TFR2: variants seen among roughly 807,000 people sequenced by gnomAD.
The protein encoded by TFR2 is transferrin receptor 2.
In TFR2, 64 loss-of-function variants were observed where a neutral mutation model predicts 91.9. The observed-to-expected ratio is 0.70, with a 90% CI of 0.57 to 0.86. The LOEUF (loss-of-function observed/expected upper bound fraction) is 0.86, where lower values mean the gene tolerates loss of function less well. Ranked by LOEUF, TFR2 falls within the 40% of genes least tolerant of loss-of-function variation. TFR2 has a pLI of 0.00. For synonymous variants in TFR2, 454 were observed against 459.6 expected, an observed-to-expected ratio of 0.99 and a Z score of 0.15; for missense variants, 950 against 1,080.5, an observed-to-expected ratio of 0.88 and a Z score of 1.69.
intron 17 of TFR2, 110 bp from the exon 18 acceptor site, chr7:100,621,236 C>G (rs1035477891): frequency 2.3e-6 from 3 of 1,323,220 alleles, no homozygotes; most frequent in African/African-American, 1.5e-5. Flanking sequence ...TGTTTGTTTT[C>G]TTTTTGTGTT....
Position 100,632,125 on chromosome 7 carries a change from G to A in TFR2, c.923C>T (p.Pro308Leu). Reference protein sequence around the residue: ...YPEPADFSQDPPKPSLSSQQA... With the variant: ...YPEPADFSQDLPKPSLSSQQA... ...CTGGCTGGACAGGCTTGGCTTGGGT[G>A]GGTCCTGGGAGAAGTCCGCTGGCTC... The change falls in exon 7 of 18, where the codon CCA (proline) becomes CTA (leucine). Residue 308 changes from proline (P) to leucine (L), a missense_variant. By Grantham distance (98) the Pro-to-Leu change is moderately conservative. Coordinates refer to ENST00000223051, the MANE Select transcript of TFR2 (RefSeq NM_003227.4). The A allele has an allele frequency of 6.2e-7, 1 of 1,614,168 alleles. No individual in the cohort carries two copies. Among genetic ancestry groups the A allele is most frequent in the Non-Finnish European group, 8.5e-7 (1 of 1,180,022 alleles).
Position 100,633,350 on chromosome 7 carries a change from G to T in TFR2, c.615-10C>A. The T allele has an allele frequency of 1.9e-6, 3 of 1,610,890 alleles. No homozygotes were observed. Among genetic ancestry groups the T allele is most frequent in the Non-Finnish European group, 2.5e-6 (3 of 1,178,400 alleles). Reference sequence around the variant, plus strand: ...GGTGTTGGGGTGAGCCCTGGGGAGCGGGGCTGGTGAGCGCCCCGAGCCGCG... The same window carrying T: ...GGTGTTGGGGTGAGCCCTGGGGAGCTGGGCTGGTGAGCGCCCCGAGCCGCG... On this transcript the variant is annotated splice_polypyrimidine_tract_variant and intron_variant, in intron 4 of 17. Coordinates refer to ENST00000223051, the MANE Select transcript of TFR2 (RefSeq NM_003227.4).
chr7:100,623,787 C>T (rs1026479327), intron 17 of TFR2, among the ~76,000 whole-genome samples: 1 of 149,702 alleles, frequency 6.7e-6, no homozygotes, highest in African/African-American at 2.5e-5. Context: ...CAGTAGCTCA[C>T]GCCTGTAATC....
chr7:100,621,965 A>G (rs1803124497), intron 17 of TFR2, among the ~76,000 whole-genome samples: 1 of 152,016 alleles, frequency 6.6e-6, no homozygotes, highest in South Asian at 2.1e-4. Context: ...TGTACCTATT[A>G]AATTATCATT....
chr7:100,626,965 G>GCC, intron 16 of TFR2, 62 bp from the exon 17 acceptor site: 1 of 1,505,614 alleles, frequency 6.6e-7, no homozygotes, highest in Non-Finnish European at 8.9e-7. Context: ...CCTAGCATGG[G>GCC]GACAAGGACC....
At chr7:100,633,905 AC>A (rs898263185) in intron 3 of TFR2, among the ~76,000 whole-genome samples, 1 of 151,202 alleles carries the variant, frequency 6.6e-6, no homozygotes, top group Non-Finnish European at 1.5e-5. Context: ...GACGGGTTTC[AC>A]CATGTTGACC....
chr7:100,620,776 A>G lies in TFR2; in HGVS notation c.*81T>C. On this transcript the variant is annotated 3_prime_UTR_variant, in exon 18 of 18. Coordinates refer to ENST00000223051, the MANE Select transcript of TFR2 (RefSeq NM_003227.4). Reference sequence around the variant, plus strand: ...AGCAATGAGAGGTGGACTCTGAGCCACCTCCCTGACCCTGAATCATTCAAG... The same window carrying G: ...AGCAATGAGAGGTGGACTCTGAGCCGCCTCCCTGACCCTGAATCATTCAAG... 1 of 1,588,806 alleles carries G rather than the reference A, an allele frequency of 6.3e-7. No individual in the cohort carries two copies. Among genetic ancestry groups the G allele is most frequent in the Non-Finnish European group, 8.6e-7 (1 of 1,160,792 alleles).
At chr7:100,627,007 C>T in intron 16 of TFR2, 104 bp from the exon 17 acceptor site, 1 of 1,385,094 alleles carries the variant, frequency 7.2e-7, no homozygotes, top group African/African-American at 2.4e-5. Flanking sequence ...GGCTGGGACC[C>T]CTGGCCGCAG....
At chr7:100,623,839 C>A in intron 17 of TFR2, among the ~76,000 whole-genome samples, 1 of 133,398 alleles carries the variant, frequency 7.5e-6, no homozygotes. Flanking sequence ...CACTTGATGT[C>A]AGGAGTTCAA....
Position 100,629,302 on chromosome 7 carries a change from C to A in TFR2, c.1341G>T (p.Thr447=), listed in dbSNP as rs532187374. ...GPGAAKSAVG[T]AILLELVRTF... ...TCCGCACCAGCTCCAGGAGTATAGC[C>A]GTCCCCACAGCGGATTTAGCTGCTC... The change falls in exon 10 of 18, where the codon ACG becomes ACT. Residue 447 remains threonine (T), a synonymous_variant. Transcript: ENST00000223051. The A allele has an allele frequency of 6.2e-7, 1 of 1,614,000 alleles. No homozygotes were observed. The highest frequency in any genetic ancestry group is 2.2e-5 in the East Asian group (1 of 44,896).
rs764643944 is a variant in TFR2 at position 100,627,656 on chromosome 7, C to A, written c.1688G>T (p.Arg563Leu). 4 of 1,614,020 alleles carry A rather than the reference C, an allele frequency of 2.5e-6. No homozygotes were observed. The Middle Eastern group carries it at 4.9e-4, about 199-fold the overall frequency. ...GGCACTGCTGTCCATGGGTAGGGGC[C>A]GGATCCTGGGGGCAGGTGGGTTGGA... ...TNPSWDAEVI[R>L]PLPMDSSAYS... Residue 563 changes from arginine to leucine, a missense_variant, in exon 15 of 18, where the codon CGG (arginine) becomes CTG (leucine). Arg to Leu is a moderately radical substitution (Grantham distance 102). Transcript: ENST00000223051.
At position 100,631,171 on chromosome 7, in the gene TFR2, C is replaced by T. The variant is rs41303489; in HGVS notation, c.1107-119G>A. 91 of 1,205,908 alleles carry T rather than the reference C, an allele frequency of 7.5e-5. No individual in the cohort carries two copies. In the East Asian group the frequency reaches 7.8e-4, roughly 10 times the overall value. The allele number at this position is 1,205,908 out of a possible 1,614,324, so 74.7% of individuals were successfully genotyped here. ...CTGGCTCCAGATCGCTGCCTCTGGA[C>T]GCTGCCTGGGTAGGGCAGTGCAGTC... On this transcript the variant is annotated intron_variant, in intron 8 of 17. Coordinates refer to ENST00000223051, the MANE Select transcript of TFR2 (RefSeq NM_003227.4).
At chr7:100,626,134 T>A (rs765753604) in intron 17 of TFR2, among the ~76,000 whole-genome samples, 4 of 152,100 alleles carry the variant, frequency 2.6e-5, no homozygotes, top group Non-Finnish European at 5.9e-5. Flanking sequence ...TTTCTTGACA[T>A]CAAAGGGTTG....
intron 11 of TFR2, 30 bp downstream of exon 11, chr7:100,628,194 C>T: frequency 1.2e-6 from 2 of 1,612,912 alleles, no homozygotes; most frequent in Non-Finnish European, 1.7e-6. Context: ...CTCCCCAATG[C>T]CTAACGACCT....
Position 100,628,233 on chromosome 7 carries a change from C to T in TFR2, c.1464G>A (p.Glu488=). 1.2e-6 allele frequency: 2 copies of T among 1,613,822 alleles called. No homozygotes were observed. The highest frequency in any genetic ancestry group is 1.7e-6 in the Non-Finnish European group (2 of 1,179,910). The change falls in exon 11 of 18, where the codon GAG becomes GAA. Residue 488 remains glutamate (E), a synonymous_variant. Transcript: ENST00000223051. ...CGGGACCCCGTATCACCTCTAGCCA[C>T]TCCGTGGAGCCCACGCTTCCAAAGT... ...GGDFGSVGST[E]WLEGYLSVLH... is the part of the protein sequence containing the mutation.
chr7:100,633,655 C>G (rs2131321101), intron 3 of TFR2, 99 bp from the exon 4 acceptor site: 3 of 1,089,248 alleles, frequency 2.8e-6, no homozygotes, highest in South Asian at 2.2e-5. Flanking sequence ...GCAGGGGCGG[C>G]GAGGGGTTCC....
chr7:100,633,657 AG>A, intron 3 of TFR2, 101 bp from the exon 4 acceptor site: 1 of 881,912 alleles, frequency 1.1e-6, no homozygotes, highest in South Asian at 2.5e-5. Flanking sequence ...AGGGGCGGCG[AG>A]GGGTTCCTGA....
intron 17 of TFR2, among the ~76,000 whole-genome samples, chr7:100,622,382 C>T (rs565088842): frequency 3.9e-5 from 6 of 152,234 alleles, no homozygotes; most frequent in South Asian, 4.1e-4. Context: ...ATATCAGTAC[C>T]GATCTCTTCC....
intron 6 of TFR2, 41 bp from the exon 7 acceptor site, chr7:100,632,239 AC>A (rs1186291264): frequency 1.3e-6 from 2 of 1,580,268 alleles, no homozygotes; most frequent in Non-Finnish European, 1.7e-6. Context: ...CCAGAAAAAA[AC>A]CCGATTCATA....
Sources: gnomAD v4.1 joint callset for allele counts (sites outside exome capture counted in the v4.1 genomes callset) on GRCh38, gnomAD v4.1.1 for gene constraint, MANE v1.5 for transcripts, NCBI Gene and HGNC (gene_info 2026-07-23, HGNC 2026-07-21) for gene names.